The following MAP2K6 variants were observed in gnomAD, a reference collection of about 807,000 sequenced individuals.
MAP2K6 encodes the protein dual specificity mitogen-activated protein kinase kinase 6.
MAP2K6 carries 16 observed loss-of-function variants against 53.7 expected under a neutral mutation model. That is an observed-to-expected ratio of 0.30 (90% CI 0.20 to 0.45). MAP2K6 has a LOEUF of 0.45. MAP2K6 is among the 20% of genes least tolerant of loss of function. The pLI is 1.00. For synonymous variants in MAP2K6, 132 were observed against 143.1 expected (o/e 0.92, Z 0.55); for missense variants, 204 against 411.9 (o/e 0.50, Z 4.37).
intron 1 of MAP2K6, among the ~76,000 whole-genome samples, chr17:69,495,098 T>TA (rs33953795): frequency 0.012 from 1,567 of 136,222 alleles, 31 homozygotes; most frequent in African/African-American, 0.035. Flanking sequence ...TACTTCCACA[T>TA]AAAAAAAAAA....
At chr17:69,535,657 A>G (rs1363364984) in intron 10 of MAP2K6, among the ~76,000 whole-genome samples, 2 of 152,226 alleles carry the variant, frequency 1.3e-5, no homozygotes, top group African/African-American at 2.4e-5. Flanking sequence ...GGTTAGGACT[A>G]TATAAAAGCA....
intron 1 of MAP2K6, 107 bp downstream of exon 1, chr17:69,415,107 T>C: frequency 9.7e-7 from 1 of 1,027,348 alleles, no homozygotes; most frequent in South Asian, 1.4e-5. Flanking sequence ...AGTTTGAGGT[T>C]TTCCACAGCT....
chr17:69,517,713 C>T (rs755108954), intron 4 of MAP2K6, 100 bp downstream of exon 4: 58 of 642,548 alleles, frequency 9.0e-5, no homozygotes, highest in Middle Eastern at 5.5e-4. Context: ...AACCATCTTC[C>T]GTAGGGTAAA....
chr17:69,429,838 G>C (rs1162263854), intron 1 of MAP2K6, among the ~76,000 whole-genome samples: 1 of 152,154 alleles, frequency 6.6e-6, no homozygotes, highest in African/African-American at 2.4e-5. Context: ...CAGGCTTCAA[G>C]TGTGGGGGCC....
intron 1 of MAP2K6, among the ~76,000 whole-genome samples, chr17:69,437,528 T>C (rs1906687215): frequency 6.6e-6 from 1 of 152,204 alleles, no homozygotes; most frequent in African/African-American, 2.4e-5. Context: ...TTCAAACCCC[T>C]GATGTTCAAG....
intron 1 of MAP2K6, among the ~76,000 whole-genome samples, chr17:69,493,923 C>CT (rs1908849947): frequency 6.6e-6 from 1 of 151,838 alleles, no homozygotes; most frequent in African/African-American, 2.4e-5. Flanking sequence ...TTCATTTTTC[C>CT]TTTTTTCATT....
chr17:69,509,326 AT>A (rs1411729327), intron 2 of MAP2K6, among the ~76,000 whole-genome samples: 1 of 152,228 alleles, frequency 6.6e-6, no homozygotes, highest in African/African-American at 2.4e-5. Context: ...TTTTGTTAAA[AT>A]TTATACCTAA....
chr17:69,551,537 A>G lies in MAP2K6; in HGVS notation c.*9784A>G, dbSNP rs1912099881. ...TTCACAGCAACTGTTTTAGAAAACT[A>G]TATGTGCCAAAAATTTACATTGGGC... On this transcript the variant is annotated 3_prime_UTR_variant, in exon 12 of 12. Coordinates refer to ENST00000590474, the MANE Select transcript of MAP2K6 (RefSeq NM_002758.4). The G allele has an allele frequency of 6.6e-6, 1 of 152,230 alleles. No individual in the cohort carries two copies. Among genetic ancestry groups the G allele is most frequent in the Non-Finnish European group, 1.5e-5 (1 of 68,034 alleles). The allele number at this position is 152,230 out of a possible 1,614,324, so 9.4% of individuals were successfully genotyped here. A position where few individuals can be genotyped will look rare whatever the true frequency, so the allele number is the denominator to read the frequency against.
Position 69,466,822 on chromosome 17 carries a change from C to G in MAP2K6, c.17-38958C>G, listed in dbSNP as rs377518424. On this transcript the variant is annotated intron_variant, in intron 1 of 11. Transcript: ENST00000590474. ...TAAGGCCTGTTCCAGGTTCAAAGAT[C>G]TAGGATTCACTTATGTTATCAGTTA... 2.4e-4 allele frequency among the ~76,000 whole-genome samples: 37 copies of G among 152,298 alleles called. No homozygotes were observed. In the South Asian group the frequency reaches 7.2e-3, roughly 30 times the overall value.
At chr17:69,533,735 G>GTTT (rs35697742) in intron 10 of MAP2K6, among the ~76,000 whole-genome samples, 14 of 140,180 alleles carry the variant, frequency 1.0e-4, no homozygotes, top group South Asian at 6.8e-4. Context: ...TAGCCTGTTT[G>GTTT]TTTTTTTTTT....
chr17:69,425,951 C>G (rs1047799499), intron 1 of MAP2K6, among the ~76,000 whole-genome samples: 2 of 151,950 alleles, frequency 1.3e-5, no homozygotes, highest in African/African-American at 4.8e-5. Flanking sequence ...CTTCCTGTAC[C>G]CGAAACACCT....
At chr17:69,456,028 T>C (rs1907399734) in intron 1 of MAP2K6, among the ~76,000 whole-genome samples, 1 of 152,074 alleles carries the variant, frequency 6.6e-6, no homozygotes, top group East Asian at 1.9e-4. Context: ...ACCTGGCTAA[T>C]TTTTGTATTT....
chr17:69,532,508 C>G (rs1911135456), intron 10 of MAP2K6, among the ~76,000 whole-genome samples: 1 of 152,176 alleles, frequency 6.6e-6, no homozygotes, highest in African/African-American at 2.4e-5. Context: ...ATTCAAAAGT[C>G]TGATTCCAGT....
intron 1 of MAP2K6, among the ~76,000 whole-genome samples, chr17:69,459,730 A>AG (rs1452460282): frequency 2.0e-5 from 3 of 151,028 alleles, no homozygotes; most frequent in African/African-American, 7.3e-5. Flanking sequence ...AAAAAAAAAA[A>AG]AAAAAGAGGA....
intron 10 of MAP2K6, among the ~76,000 whole-genome samples, chr17:69,533,735 GTT>G (rs35697742): frequency 0.19 from 26,544 of 140,060 alleles, 2,562 homozygotes; most frequent in East Asian, 0.3. Context: ...TAGCCTGTTT[GTT>G]TTTTTTTTTT....
rs3222089 is a variant in MAP2K6, at chr17:69,498,650, CCACACACACA to C, written c.17-7104_17-7095del. On this transcript the variant is annotated intron_variant, in intron 1 of 11. Transcript: ENST00000590474. ...GAAGCCACACACACACACCTGGAAG[CCACACACACA>C]CACACACACACACACACACACACAC... 5.0e-3 allele frequency among the ~76,000 whole-genome samples: 721 copies of C among 145,316 alleles called. 6 individuals carry two copies. The highest frequency in any genetic ancestry group is 0.038 in the East Asian group (188 of 4,910).
intron 1 of MAP2K6, among the ~76,000 whole-genome samples, chr17:69,417,732 A>G (rs1343534224): frequency 2.0e-5 from 3 of 152,198 alleles, no homozygotes; most frequent in Non-Finnish European, 4.4e-5. Flanking sequence ...AAAATGTGTC[A>G]TCTACACTAC....
At chr17:69,526,839 G>T (rs888805002) in intron 10 of MAP2K6, 130 bp downstream of exon 10, 5 of 1,106,664 alleles carry the variant, frequency 4.5e-6, no homozygotes, top group African/African-American at 3.2e-5. Context: ...TGCCCTCTCT[G>T]CTGGAGAAGC....
intron 11 of MAP2K6, among the ~76,000 whole-genome samples, chr17:69,537,694 T>C (rs966572938): frequency 2.6e-5 from 4 of 152,236 alleles, no homozygotes; most frequent in South Asian, 2.1e-4. Flanking sequence ...GAATTGGAGA[T>C]GAGACCATCT....
Sources: allele counts gnomAD v4.1 joint callset (sites outside exome capture counted in the v4.1 genomes callset), GRCh38; gene constraint gnomAD v4.1.1; transcripts MANE v1.5; gene names NCBI Gene and HGNC (gene_info 2026-07-23, HGNC 2026-07-21).